RNF38: variants seen among roughly 807,000 people sequenced by gnomAD.
RNF38 encodes E3 ubiquitin-protein ligase RNF38.
A neutral mutation model predicts 67.2 loss-of-function variants in RNF38; 15 were observed. The ratio of observed to expected loss-of-function variants is 0.22; its 90% CI spans 0.15 to 0.34. The LOEUF (loss-of-function observed/expected upper bound fraction) is 0.34. Ranked by LOEUF, RNF38 falls within the 10% of genes least tolerant of loss-of-function variation. RNF38 has a pLI of 1.00. For synonymous variants in RNF38, 220 were observed against 218.8 expected (o/e 1.01, Z -0.05); for missense variants, 524 against 639.9 (o/e 0.82, Z 1.95).
chr9:36,355,912 T>C (rs566787843), intron 6 of RNF38, among the ~76,000 whole-genome samples: 1 of 152,150 alleles, frequency 6.6e-6, no homozygotes, highest in Non-Finnish European at 1.5e-5. Context: ...AGTGGCATGA[T>C]CTTGGCTCGC....
At chr9:36,386,805 T>C (rs1836672934) in intron 2 of RNF38, among the ~76,000 whole-genome samples, 1 of 152,040 alleles carries the variant, frequency 6.6e-6, no homozygotes, top group South Asian at 2.1e-4. Context: ...CCCAATATGG[T>C]CTATTTTTAT....
intron 2 of RNF38, among the ~76,000 whole-genome samples, chr9:36,422,885 T>A (rs549600296): frequency 4.2e-4 from 64 of 152,322 alleles, no homozygotes; most frequent in African/African-American, 1.4e-3. Flanking sequence ...TGACAGGAAG[T>A]ACCTGGCAAA....
chr9:36,358,355 T>C (rs1834279641), intron 4 of RNF38, among the ~76,000 whole-genome samples: 1 of 152,228 alleles, frequency 6.6e-6, no homozygotes, highest in Admixed American at 6.5e-5. Context: ...AAATGAAATC[T>C]CATTTCCCGC....
intron 5 of RNF38, among the ~76,000 whole-genome samples, 156 bp downstream of exon 5, chr9:36,357,619 T>C (rs909605100): frequency 6.6e-6 from 1 of 152,216 alleles, no homozygotes; most frequent in African/African-American, 2.4e-5. Context: ...CCTTTTTACT[T>C]GAAAGTGAAA....
intron 4 of RNF38, among the ~76,000 whole-genome samples, chr9:36,365,905 C>G (rs997345414): frequency 1.3e-5 from 2 of 151,996 alleles, no homozygotes; most frequent in Non-Finnish European, 2.9e-5. Context: ...ACCTTGTGAT[C>G]CACCCGCCTT....
chr9:36,449,503 T>G (rs567842628), intron 1 of RNF38, among the ~76,000 whole-genome samples: 9 of 152,152 alleles, frequency 5.9e-5, no homozygotes, highest in African/African-American at 1.9e-4. Context: ...TGGCGCGATC[T>G]CGGTTCACTG....
At chr9:36,382,347 C>T (rs1353026435) in intron 2 of RNF38, among the ~76,000 whole-genome samples, 2 of 152,124 alleles carry the variant, frequency 1.3e-5, no homozygotes, top group African/African-American at 4.8e-5. Flanking sequence ...AGGTTTTATG[C>T]TTAGCATTAA....
chr9:36,362,919 A>ACTGTG (rs1834675344), intron 4 of RNF38, among the ~76,000 whole-genome samples: 1 of 102,350 alleles, frequency 9.8e-6, no homozygotes, highest in African/African-American at 2.9e-5. Context: ...AGCGTGAGGC[A>ACTGTG]CCACACCCGG....
At chr9:36,486,127 C>G (rs1370814486) in intron 1 of RNF38, among the ~76,000 whole-genome samples, 2 of 152,122 alleles carry the variant, frequency 1.3e-5, no homozygotes, top group African/African-American at 4.8e-5. Flanking sequence ...CCCACAATGA[C>G]TGAATACCCT....
chr9:36,411,603 C>G (rs957574940), intron 2 of RNF38, among the ~76,000 whole-genome samples: 3 of 152,104 alleles, frequency 2.0e-5, no homozygotes, highest in African/African-American at 7.2e-5. Flanking sequence ...GCGCAATCAC[C>G]CAGGCTGGAG....
intron 1 of RNF38, among the ~76,000 whole-genome samples, chr9:36,436,237 G>A (rs570426224): frequency 1.3e-5 from 2 of 152,268 alleles, no homozygotes; most frequent in South Asian, 4.1e-4. Flanking sequence ...TAAAGAGTGG[G>A]TAGAAAAGTA....
intron 1 of RNF38, among the ~76,000 whole-genome samples, chr9:36,430,012 T>C (rs562309174): frequency 5.9e-5 from 9 of 152,304 alleles, no homozygotes; most frequent in Admixed American, 1.3e-4. Flanking sequence ...AAATTGTTTA[T>C]TGAATTTCTA....
rs948582308 is a variant in RNF38 at position 36,338,936 on chromosome 9, A to C, written c.*816T>G. The C allele has an allele frequency of 2.0e-5, 3 of 152,464 alleles. No homozygotes were observed. The highest frequency in any genetic ancestry group is 7.2e-5 in the African/African-American group (3 of 41,394). The allele number at this position is 152,464 out of a possible 1,614,324, so 9.4% of individuals were successfully genotyped here. A position where few individuals can be genotyped will look rare whatever the true frequency, so the allele number is the denominator to read the frequency against. ...ATTTAAAAATTTCCACAACAGAATA[A>C]AAAAAAACCAGGTTCATGGAGCGAG... is the stretch of plus-strand genomic sequence containing the variant. On this transcript the variant is annotated 3_prime_UTR_variant, in exon 12 of 12. Coordinates refer to ENST00000259605, the MANE Select transcript of RNF38 (RefSeq NM_022781.5).
chr9:36,356,624 T>C (rs1256134411), intron 5 of RNF38, 151 bp from the exon 6 acceptor site: 1 of 555,954 alleles, frequency 1.8e-6, no homozygotes. Flanking sequence ...AATACCAGTG[T>C]ATTTTTTAAT....
intron 1 of RNF38, among the ~76,000 whole-genome samples, chr9:36,465,696 A>G (rs985926235): frequency 1.3e-5 from 2 of 152,226 alleles, no homozygotes; most frequent in African/African-American, 4.8e-5. Context: ...CCATATGTGC[A>G]TTAACTGATG....
At chr9:36,397,011 ATGTGTG>A (rs55737922) in intron 1 of RNF38, among the ~76,000 whole-genome samples, 42 of 148,940 alleles carry the variant, frequency 2.8e-4, no homozygotes, top group Admixed American at 7.3e-4. Context: ...TGCTTTATAT[ATGTGTG>A]TGTGTGTGTA....
At chr9:36,478,909 G>C (rs948328379) in intron 1 of RNF38, among the ~76,000 whole-genome samples, 9 of 151,822 alleles carry the variant, frequency 5.9e-5, no homozygotes, top group African/African-American at 2.2e-4. Context: ...AATCATTCTG[G>C]TAACACAAAC....
chr9:36,346,694 TAA>T (rs1165504953), intron 9 of RNF38, among the ~76,000 whole-genome samples: 9 of 151,272 alleles, frequency 5.9e-5, no homozygotes, highest in African/African-American at 2.2e-4. Context: ...ACAGTTAATG[TAA>T]TAACTGTGTG....
intron 4 of RNF38, among the ~76,000 whole-genome samples, chr9:36,366,913 C>A (rs1418313656): frequency 1.3e-5 from 2 of 152,152 alleles, no homozygotes; most frequent in Non-Finnish European, 2.9e-5. Flanking sequence ...GGAGAAATTG[C>A]CCCTGCTTTC....
Sources: gnomAD v4.1 joint callset for allele counts (sites outside exome capture counted in the v4.1 genomes callset) on GRCh38, gnomAD v4.1.1 for gene constraint, MANE v1.5 for transcripts, NCBI Gene and HGNC (gene_info 2026-07-23, HGNC 2026-07-21) for gene names.